The following ZNF438 variants were observed in gnomAD, a reference collection of about 807,000 sequenced individuals.
ZNF438 encodes the protein zinc finger protein 438.
In ZNF438, 25 loss-of-function variants were observed where a neutral mutation model predicts 38.0. The observed-to-expected ratio is 0.66, with a 90% CI of 0.48 to 0.92. The LOEUF (loss-of-function observed/expected upper bound fraction) is 0.92, where lower values mean the gene tolerates loss of function less well. ZNF438 is among the 40% of genes least tolerant of loss of function. The pLI is 0.00. For missense variants in ZNF438, 1,007 were observed against 999.6 expected (o/e 1.01, Z -0.10); for synonymous variants, 372 against 364.1 (o/e 1.02, Z -0.25).
chr10:30,886,818 CT>C (rs2040008198), intron 3 of ZNF438, among the ~76,000 whole-genome samples: 1 of 152,014 alleles, frequency 6.6e-6, no homozygotes, highest in African/African-American at 2.4e-5. Flanking sequence ...TGTTTTTTTA[CT>C]TTTAAAGTAA....
chr10:30,854,213 G>A (rs1448188915), intron 4 of ZNF438, among the ~76,000 whole-genome samples: 6 of 152,130 alleles, frequency 3.9e-5, no homozygotes, highest in Non-Finnish European at 8.8e-5. Flanking sequence ...CCAGCTACTC[G>A]GGAGGCTGAG....
intron 1 of ZNF438, among the ~76,000 whole-genome samples, chr10:30,967,373 G>C (rs914060965): frequency 6.6e-6 from 1 of 152,206 alleles, no homozygotes; most frequent in Admixed American, 6.5e-5. Flanking sequence ...TGTAGTTACA[G>C]TTAAGCTGCT....
At position 30,951,246 on chromosome 10, in the gene ZNF438, T is replaced by C. The variant is rs142895211; in HGVS notation, c.-191-9595A>G. 0.023 allele frequency among the ~76,000 whole-genome samples: 3,423 copies of C among 151,118 alleles called. 316 individuals are homozygous for C. In the East Asian group the frequency reaches 0.31, roughly 14 times the overall value. On this transcript the variant is annotated intron_variant, in intron 1 of 5. Transcript: ENST00000413025. Reference sequence around the variant, plus strand: ...ATAAATTAGGTATTGATGGAACGTATTTCAAAATAATAAGAGCTATCTATG... The same window carrying C: ...ATAAATTAGGTATTGATGGAACGTACTTCAAAATAATAAGAGCTATCTATG...
At chr10:31,023,790 A>G (rs2133335723) in intron 1 of ZNF438, among the ~76,000 whole-genome samples, 1 of 152,346 alleles carries the variant, frequency 6.6e-6, no homozygotes, top group African/African-American at 2.4e-5. Context: ...GCCCCGCTTC[A>G]GTACCTTTGC....
intron 4 of ZNF438, among the ~76,000 whole-genome samples, chr10:30,872,045 C>T (rs1391352965): frequency 6.6e-5 from 10 of 152,120 alleles, no homozygotes; most frequent in Non-Finnish European, 8.8e-5. Flanking sequence ...TTTCTACTTG[C>T]AGAAGACTTG....
At chr10:30,881,140 C>G (rs1213820296) in intron 3 of ZNF438, among the ~76,000 whole-genome samples, 1 of 151,984 alleles carries the variant, frequency 6.6e-6, no homozygotes, top group Non-Finnish European at 1.5e-5. Flanking sequence ...CTAGCCAGTG[C>G]AATAGAGCAA....
chr10:30,845,600 A>T (rs774658884), intron 5 of ZNF438, 27 bp from the exon 7 acceptor site: 2 of 1,582,134 alleles, frequency 1.3e-6, no homozygotes, highest in Non-Finnish European at 1.7e-6. Context: ...TAATGAAGAT[A>T]AGATTTCATG....
chr10:30,889,781 T>C (rs74136520), intron 3 of ZNF438, among the ~76,000 whole-genome samples: 1 of 152,186 alleles, frequency 6.6e-6, no homozygotes, highest in East Asian at 1.9e-4. Context: ...CTGCCCAATC[T>C]CAGGTATGCA....
chr10:31,000,612 G>A (rs1419616496), intron 1 of ZNF438, among the ~76,000 whole-genome samples: 1 of 152,030 alleles, frequency 6.6e-6, no homozygotes. Flanking sequence ...CATTCCTGTA[G>A]CCCACTGTTC....
intron 2 of ZNF438, among the ~76,000 whole-genome samples, chr10:30,930,158 C>CG (rs1435290484): frequency 2.0e-4 from 3 of 14,678 alleles, no homozygotes; most frequent in East Asian, 1.7e-3. Flanking sequence ...TTGGTGGGGG[C>CG]GGGGGTGGGG....
intron 4 of ZNF438, among the ~76,000 whole-genome samples, chr10:30,854,169 A>C (rs1447382016): frequency 2.0e-5 from 3 of 151,966 alleles, no homozygotes; most frequent in African/African-American, 7.3e-5. Context: ...AATACAAAAA[A>C]ATTAGCTGGG....
intron 1 of ZNF438, among the ~76,000 whole-genome samples, chr10:31,014,144 A>G (rs1333583314): frequency 6.6e-6 from 1 of 152,078 alleles, no homozygotes; most frequent in Non-Finnish European, 1.5e-5. Flanking sequence ...TTGCAGTCCA[A>G]TTTGCTATAC....
chr10:30,857,756 C>T (rs2034914510), intron 4 of ZNF438: 1 of 1,453,166 alleles, frequency 6.9e-7, no homozygotes, highest in Admixed American at 2.2e-5. Context: ...TCCTCCTCCT[C>T]CATTGCCATC....
chr10:30,953,475 G>A (rs1321609266), intron 1 of ZNF438, among the ~76,000 whole-genome samples: 1 of 151,134 alleles, frequency 6.6e-6, no homozygotes, highest in South Asian at 2.1e-4. Context: ...TAATCATTAA[G>A]AAAACTGGAG....
chr10:30,968,378 TAA>T (rs1316466829), intron 1 of ZNF438, among the ~76,000 whole-genome samples: 3 of 151,578 alleles, frequency 2.0e-5, no homozygotes, highest in Non-Finnish European at 4.4e-5. Flanking sequence ...CTACTCTATG[TAA>T]AAGTTTCTTC....
At chr10:30,948,058 G>A (rs1242480041) in intron 1 of ZNF438, among the ~76,000 whole-genome samples, 6 of 152,038 alleles carry the variant, frequency 3.9e-5, no homozygotes, top group South Asian at 2.1e-4. Context: ...ATCTCAGTAC[G>A]GGCAGACTGC....
At chr10:30,892,775 G>A (rs1037148353) in intron 3 of ZNF438, among the ~76,000 whole-genome samples, 4 of 152,072 alleles carry the variant, frequency 2.6e-5, no homozygotes, top group African/African-American at 7.2e-5. Context: ...TCCCCTGTCC[G>A]TATTTCCATA....
Position 31,029,969 on chromosome 10 carries a change from G to A in ZNF438, c.-192+1864C>T, listed in dbSNP as rs142193949. Among the ~76,000 whole-genome samples the A allele has an allele frequency of 1.9e-3, 296 of 152,308 alleles. 1 individual carries two copies. The highest frequency in any genetic ancestry group is 3.2e-3 in the Non-Finnish European group (221 of 68,020). On this transcript the variant is annotated intron_variant, in intron 1 of 5. Transcript: ENST00000413025. Reference sequence around the variant, plus strand: ...CCCACGTTCAAATAGTCTCTACCACGTTTTAGCTGTGCAACTTTGGCAAAT... The same window carrying A: ...CCCACGTTCAAATAGTCTCTACCACATTTTAGCTGTGCAACTTTGGCAAAT...
chr10:30,939,777 G>A (rs1316477112), intron 2 of ZNF438, among the ~76,000 whole-genome samples: 2 of 152,178 alleles, frequency 1.3e-5, no homozygotes, highest in Non-Finnish European at 2.9e-5. Context: ...TCTAGAGCAT[G>A]GGAGATATAT....
Sources: gnomAD v4.1 joint callset for allele counts (sites outside exome capture counted in the v4.1 genomes callset) on GRCh38, gnomAD v4.1.1 for gene constraint, MANE v1.5 for transcripts, NCBI Gene and HGNC (gene_info 2026-07-23, HGNC 2026-07-21) for gene names.